Variants in ENTREP2 observed in about 807,000 individuals in gnomAD.
ENTREP2 encodes the protein endosomal transmembrane epsin interactor 2.
At chr15:29,663,694 C>T in the ENTREP2 span, among the ~76,000 whole-genome samples, 1 of 152,006 alleles carries the variant, frequency 6.6e-6, no homozygotes, top group Non-Finnish European at 1.5e-5. Context: ...AGGGGAACAT[C>T]ACACCCCGCG....
At chr15:29,186,949 T>C in the ENTREP2 span, among the ~76,000 whole-genome samples, 1 of 152,224 alleles carries the variant, frequency 6.6e-6, no homozygotes, top group Admixed American at 6.5e-5. Flanking sequence ...GAGGTATGTG[T>C]ATACATGGCC....
chr15:29,590,766 A>G, the ENTREP2 span, among the ~76,000 whole-genome samples: 1 of 151,810 alleles, frequency 6.6e-6, no homozygotes, highest in Admixed American at 6.6e-5. Flanking sequence ...ATTTTACATG[A>G]TTGATATAAT....
the ENTREP2 span, among the ~76,000 whole-genome samples, chr15:29,636,896 A>G: frequency 6.6e-6 from 1 of 152,200 alleles, no homozygotes; most frequent in Non-Finnish European, 1.5e-5. Context: ...GTTCCACCAA[A>G]AACATTTCTA....
the ENTREP2 span, among the ~76,000 whole-genome samples, chr15:29,289,568 C>T: frequency 2.7e-4 from 41 of 152,088 alleles, no homozygotes; most frequent in Admixed American, 9.2e-4. Flanking sequence ...ATATGAGGCA[C>T]GGTGTGGTGG....
the ENTREP2 span, among the ~76,000 whole-genome samples, chr15:29,608,546 ATTAT>A: frequency 2.1e-5 from 3 of 141,366 alleles, no homozygotes; most frequent in Admixed American, 7.2e-5. Flanking sequence ...TATTATTATT[ATTAT>A]TTATTTATTA....
the ENTREP2 span, among the ~76,000 whole-genome samples, chr15:29,481,605 A>G: frequency 6.6e-6 from 1 of 152,256 alleles, no homozygotes; most frequent in Non-Finnish European, 1.5e-5. Context: ...GGAAACATTT[A>G]TAAGGCATAA....
the ENTREP2 span, among the ~76,000 whole-genome samples, chr15:29,535,282 G>A: frequency 2.0e-5 from 3 of 152,060 alleles, no homozygotes; most frequent in African/African-American, 7.2e-5. Flanking sequence ...AAAGTAAAAA[G>A]CTAAAGTTGA....
the ENTREP2 span, among the ~76,000 whole-genome samples, chr15:29,348,870 A>G: frequency 1.1e-4 from 16 of 152,246 alleles, no homozygotes; most frequent in African/African-American, 3.9e-4. Context: ...AAATTTAATC[A>G]TGATTTTCCC....
the ENTREP2 span, among the ~76,000 whole-genome samples, chr15:29,297,828 A>G: frequency 6.6e-6 from 1 of 152,226 alleles, no homozygotes; most frequent in Non-Finnish European, 1.5e-5. Flanking sequence ...CAGCTAGACT[A>G]TAAGGAAAAA....
the ENTREP2 span, among the ~76,000 whole-genome samples, chr15:29,674,347 G>A: frequency 6.6e-6 from 1 of 152,160 alleles, no homozygotes; most frequent in Non-Finnish European, 1.5e-5. Context: ...TCAGCTCACT[G>A]CAACATCTGC....
the ENTREP2 span, among the ~76,000 whole-genome samples, chr15:29,643,910 A>G: frequency 1.3e-5 from 2 of 152,200 alleles, no homozygotes; most frequent in South Asian, 4.1e-4. Flanking sequence ...AATGGTTACC[A>G]TATACCCCAG....
chr15:29,645,071 G>T, the ENTREP2 span, among the ~76,000 whole-genome samples: 1 of 152,080 alleles, frequency 6.6e-6, no homozygotes. Context: ...GAAATAAATT[G>T]AGTTCATTGG....
At chr15:29,484,347 G>C in the ENTREP2 span, among the ~76,000 whole-genome samples, 1 of 152,134 alleles carries the variant, frequency 6.6e-6, no homozygotes, top group African/African-American at 2.4e-5. Context: ...CTGCCCTAGC[G>C]GAAGGAATAA....
At chr15:29,269,819 G>C in the ENTREP2 span, 1 of 1,018,070 alleles carries the variant, frequency 9.8e-7, no homozygotes, top group Non-Finnish European at 1.3e-6. Context: ...TGTCGGCTGA[G>C]ACTGCGTGCT....
the ENTREP2 span, among the ~76,000 whole-genome samples, chr15:29,567,376 G>A: frequency 1.3e-5 from 2 of 152,202 alleles, no homozygotes; most frequent in African/African-American, 4.8e-5. Context: ...CTAAGAAAGA[G>A]AGAGCCTCCT....
the ENTREP2 span, among the ~76,000 whole-genome samples, chr15:29,206,385 G>T: frequency 6.6e-6 from 1 of 152,114 alleles, no homozygotes; most frequent in Non-Finnish European, 1.5e-5. Flanking sequence ...TAGAAATTCG[G>T]GGGTGGGGGA....
At chr15:29,353,470 T>C in the ENTREP2 span, among the ~76,000 whole-genome samples, 1 of 152,318 alleles carries the variant, frequency 6.6e-6, no homozygotes, top group Admixed American at 6.5e-5. Flanking sequence ...TGTCTATGCA[T>C]GTATACACAT....
At chr15:29,486,660 A>T in the ENTREP2 span, among the ~76,000 whole-genome samples, 1 of 152,220 alleles carries the variant, frequency 6.6e-6, no homozygotes, top group Non-Finnish European at 1.5e-5. Context: ...TCTGCGCTCC[A>T]GCCTGGGCGG....
chr15:29,236,667 A>T, the ENTREP2 span, among the ~76,000 whole-genome samples: 1 of 152,160 alleles, frequency 6.6e-6, no homozygotes, highest in African/African-American at 2.4e-5. Context: ...AAAATAAAAA[A>T]AGAGAAATTG....
Sources: allele counts gnomAD v4.1 joint callset (sites outside exome capture counted in the v4.1 genomes callset), GRCh38; gene constraint gnomAD v4.1.1; transcripts MANE v1.5; gene names NCBI Gene and HGNC (gene_info 2026-07-23, HGNC 2026-07-21).